HHAT: variants seen among roughly 807,000 people sequenced by gnomAD.
HHAT encodes protein-cysteine N-palmitoyltransferase HHAT.
A neutral mutation model predicts 70.8 loss-of-function variants in HHAT; 47 were observed. The ratio of observed to expected loss-of-function variants is 0.66; its 90% CI spans 0.53 to 0.85. The LOEUF (loss-of-function observed/expected upper bound fraction) is 0.85. Ranked by LOEUF, HHAT falls within the 40% of genes least tolerant of loss-of-function variation. The pLI is 0.00. For missense variants in HHAT, 609 were observed against 604.8 expected, an observed-to-expected ratio of 1.01 and a Z score of -0.07; for synonymous variants, 228 against 247.6, an observed-to-expected ratio of 0.92 and a Z score of 0.74.
At position 210,452,755 on chromosome 1, in the gene HHAT, C is replaced by CTGTATGGTAAA. The variant is rs1408828589; in HGVS notation, c.857-11749_857-11748insGTATGGTAAAT. Reference sequence around the variant, plus strand: ...TTCAATTTATTATTGAATGGTGCTTCTCTATGGTAAATCCATGGTAAATCC... The same window carrying CTGTATGGTAAA: ...TTCAATTTATTATTGAATGGTGCTTCTGTATGGTAAATCTATGGTAAATCCATGGTAAATCC... On this transcript the variant is annotated intron_variant, in intron 7 of 11. Transcript: ENST00000261458. Among the ~76,000 whole-genome samples, 7 of 152,002 alleles carry CTGTATGGTAAA rather than the reference C, an allele frequency of 4.6e-5. No individual in the cohort carries two copies. In the South Asian group the frequency reaches 1.5e-3, roughly 33 times the overall value.
chr1:210,351,584 C>T lies in HHAT; in HGVS notation c.91+2518C>T, dbSNP rs558528677. Among the ~76,000 whole-genome samples the T allele has an allele frequency of 6.6e-5, 10 of 152,282 alleles. 1 individual carries two copies. The South Asian group carries it at 2.1e-3, about 32-fold the overall frequency. Reference sequence around the variant, plus strand: ...ATATACCTGGACTGGACTCAGCTGGCATTTCTCCTGTTTCATGTATTGTCA... The same window carrying T: ...ATATACCTGGACTGGACTCAGCTGGTATTTCTCCTGTTTCATGTATTGTCA... On this transcript the variant is annotated intron_variant, in intron 2 of 11. Transcript: ENST00000261458.
chr1:210,505,258 A>G (rs1003146618), intron 8 of HHAT, among the ~76,000 whole-genome samples: 1 of 152,154 alleles, frequency 6.6e-6, no homozygotes, highest in African/African-American at 2.4e-5. Context: ...GGAGCTGAAG[A>G]TGGTATGATA....
chr1:210,643,867 T>C (rs1448859500), intron 11 of HHAT, among the ~76,000 whole-genome samples: 1 of 151,776 alleles, frequency 6.6e-6, no homozygotes, highest in Non-Finnish European at 1.5e-5. Flanking sequence ...GAAAATGATA[T>C]ATTCATATGC....
At chr1:210,331,414 A>G (rs761211859) in intron 1 of HHAT, among the ~76,000 whole-genome samples, 1 of 152,200 alleles carries the variant, frequency 6.6e-6, no homozygotes, top group African/African-American at 2.4e-5. Context: ...CAATTTCAGG[A>G]TACTTTGCCT....
chr1:210,552,513 A>G (rs986911760), intron 9 of HHAT, among the ~76,000 whole-genome samples: 6 of 152,222 alleles, frequency 3.9e-5, no homozygotes, highest in Non-Finnish European at 5.9e-5. Flanking sequence ...GGAATTAGGC[A>G]AACAAGATTA....
intron 8 of HHAT, among the ~76,000 whole-genome samples, chr1:210,475,678 CTT>C (rs1438871339): frequency 6.6e-6 from 1 of 152,160 alleles, no homozygotes; most frequent in Non-Finnish European, 1.5e-5. Context: ...CCTATTCTCT[CTT>C]GATGACATAT....
chr1:210,559,019 T>C (rs1181809596), intron 9 of HHAT, among the ~76,000 whole-genome samples: 1 of 152,206 alleles, frequency 6.6e-6, no homozygotes, highest in Non-Finnish European at 1.5e-5. Flanking sequence ...CTTGGTAGAA[T>C]CCCGTTCGGT....
chr1:210,596,439 CT>C (rs1663030755), intron 10 of HHAT, among the ~76,000 whole-genome samples: 1 of 152,062 alleles, frequency 6.6e-6, no homozygotes, highest in East Asian at 1.9e-4. Flanking sequence ...CTTTACCTCC[CT>C]TTTAAGGCCA....
intron 11 of HHAT, among the ~76,000 whole-genome samples, chr1:210,652,194 C>G (rs1048842901): frequency 6.6e-6 from 1 of 151,706 alleles, no homozygotes; most frequent in Non-Finnish European, 1.5e-5. Flanking sequence ...AGAGAGAGAA[C>G]AGGGAGTAGA....
chr1:210,546,844 G>A lies in HHAT; in HGVS notation c.1043+33656G>A, dbSNP rs565573193. Among the ~76,000 whole-genome samples, 16 of 152,280 alleles carry A rather than the reference G, an allele frequency of 1.1e-4. No individual in the cohort carries two copies. In the South Asian group the frequency reaches 3.1e-3, roughly 30 times the overall value. On this transcript the variant is annotated intron_variant, in intron 9 of 11. Coordinates refer to ENST00000261458, the MANE Select transcript of HHAT (RefSeq NM_018194.6). ...TGAGAGAAGGCCTCAAAGTCCAAGC[G>A]ACAGACTTGATAATGAAGCCTGGGT...
At chr1:210,337,610 T>A (rs1431333504) in intron 1 of HHAT, among the ~76,000 whole-genome samples, 1 of 152,150 alleles carries the variant, frequency 6.6e-6, no homozygotes, top group Non-Finnish European at 1.5e-5. Context: ...CACTCTAACC[T>A]CTGCCTCCAT....
At chr1:210,562,810 C>G in intron 9 of HHAT, among the ~76,000 whole-genome samples, 1 of 116,100 alleles carries the variant, frequency 8.6e-6, no homozygotes, top group South Asian at 4.0e-4. Context: ...CCCCCCTCCC[C>G]CCACCCCACA....
At chr1:210,344,576 GC>G (rs1433854043) in intron 1 of HHAT, among the ~76,000 whole-genome samples, 1 of 152,058 alleles carries the variant, frequency 6.6e-6, no homozygotes, top group African/African-American at 2.4e-5. Flanking sequence ...CCTTTTAAAG[GC>G]CTCATAAAGT....
intron 7 of HHAT, among the ~76,000 whole-genome samples, chr1:210,458,895 A>AG (rs1306436494): frequency 6.6e-6 from 1 of 152,196 alleles, no homozygotes; most frequent in Non-Finnish European, 1.5e-5. Context: ...AGGGCTGGGT[A>AG]GGTATGTATG....
chr1:210,441,833 CATAT>C (rs1197645548), intron 7 of HHAT, among the ~76,000 whole-genome samples: 3 of 150,990 alleles, frequency 2.0e-5, no homozygotes, highest in Non-Finnish European at 3.0e-5. Context: ...TGTACACACA[CATAT>C]ATACACACAC....
chr1:210,419,202 G>C (rs2092818080), intron 7 of HHAT, among the ~76,000 whole-genome samples: 1 of 152,150 alleles, frequency 6.6e-6, no homozygotes, highest in Admixed American at 6.5e-5. Flanking sequence ...AGGCAGCGCT[G>C]CACATTGAGG....
chr1:210,429,604 T>G (rs1005443526), intron 7 of HHAT, among the ~76,000 whole-genome samples: 5 of 144,548 alleles, frequency 3.5e-5, no homozygotes, highest in African/African-American at 1.0e-4. Context: ...TTTTTTTTTT[T>G]GCAAAAATAA....
chr1:210,337,962 A>G (rs377452205), intron 1 of HHAT, among the ~76,000 whole-genome samples: 1 of 152,232 alleles, frequency 6.6e-6, no homozygotes, highest in Admixed American at 6.5e-5. Context: ...TTTCTGAAAG[A>G]AAAGTGATGG....
chr1:210,389,940 C>G (rs926790735), intron 4 of HHAT, among the ~76,000 whole-genome samples: 1 of 152,152 alleles, frequency 6.6e-6, no homozygotes, highest in Non-Finnish European at 1.5e-5. Context: ...AGCGGTTGTC[C>G]TCTGTAAAAT....
Sources: allele counts gnomAD v4.1 joint callset (sites outside exome capture counted in the v4.1 genomes callset), GRCh38; gene constraint gnomAD v4.1.1; transcripts MANE v1.5; gene names NCBI Gene and HGNC (gene_info 2026-07-23, HGNC 2026-07-21).